The following NCOA3 variants were observed in gnomAD, a reference collection of about 807,000 sequenced individuals.
NCOA3 encodes the protein nuclear receptor coactivator 3.
Under a neutral mutation model 158.8 loss-of-function variants are expected in NCOA3, and 51 were observed. The ratio of observed to expected loss-of-function variants is 0.32; its 90% confidence interval spans 0.26 to 0.41. The LOEUF is 0.41. NCOA3 is among the 10% of genes least tolerant of loss of function. The pLI is 1.00. For synonymous variants in NCOA3, 537 were observed against 592.4 expected (o/e 0.91, Z 1.36); for missense variants, 1,510 against 1,746.6 (o/e 0.86, Z 2.41).
chr20:47,535,387 A>G (rs147729865), intron 1 of NCOA3, among the ~76,000 whole-genome samples: 16 of 152,306 alleles, frequency 1.1e-4, no homozygotes, highest in Middle Eastern at 3.4e-3. Flanking sequence ...GCTTGTGCCA[A>G]TCAGCTGAGT....
At chr20:47,507,946 A>G (rs1003950713) in intron 1 of NCOA3, among the ~76,000 whole-genome samples, 6 of 152,138 alleles carry the variant, frequency 3.9e-5, no homozygotes, top group Admixed American at 1.3e-4. Flanking sequence ...AAATGAATAT[A>G]CATCATTTTA....
In NCOA3 at chr20:47,639,543, A is replaced by G. The variant is rs1232495463; in HGVS notation, c.2708-34A>G. ...GGTATAAGAAGGATTTCATTATAAT[A>G]TGGAAAAGACCTAAGTATGGCTACC... On this transcript the variant is annotated intron_variant, in intron 14 of 22. Transcript: ENST00000371998. 5.6e-6 allele frequency: 9 copies of G among 1,608,374 alleles called. No homozygotes were observed. The East Asian group carries it at 1.3e-4, about 24-fold the overall frequency.
At chr20:47,512,840 G>C (rs996056059) in intron 1 of NCOA3, among the ~76,000 whole-genome samples, 2 of 152,150 alleles carry the variant, frequency 1.3e-5, no homozygotes, top group Non-Finnish European at 2.9e-5. Flanking sequence ...ATCACTTTGA[G>C]AAACAGTGGG....
chr20:47,651,208 A>G lies in NCOA3; in HGVS notation c.3878A>G (p.Asp1293Gly), dbSNP rs1027470818. 6.2e-7 allele frequency: 1 copy of G among 1,613,992 alleles called. No individual in the cohort carries two copies. The highest frequency in any genetic ancestry group is 1.3e-5 in the African/African-American group (1 of 74,914). ...PPNVTASPSM[D>G]GLLAGPTMPQ... ...AATGTGACTGCTTCCCCCAGCATGG[A>G]TGGGCTTTTGGCAGGACCCACAATG... The change falls in exon 20 of 23, where the codon GAT becomes GGT. Residue 1293 changes from aspartate (D) to glycine (G), a missense_variant. Coordinates refer to ENST00000371998, the MANE Select transcript of NCOA3 (RefSeq NM_181659.3).
At chr20:47,543,511 CT>C (rs773919016) in intron 1 of NCOA3, among the ~76,000 whole-genome samples, 159 of 145,056 alleles carry the variant, frequency 1.1e-3, no homozygotes, top group African/African-American at 1.5e-3. Flanking sequence ...TCTTCTTCTT[CT>C]TTTTTTTTTT....
At chr20:47,554,930 A>C (rs932860011) in intron 1 of NCOA3, among the ~76,000 whole-genome samples, 22 of 152,294 alleles carry the variant, frequency 1.4e-4, no homozygotes, top group African/African-American at 5.1e-4. Context: ...ACAAAGCTGG[A>C]GGCATCACGC....
chr20:47,636,694 A>C lies in NCOA3; in HGVS notation c.2308A>C (p.Thr770Pro). The change falls in exon 12 of 23, where the codon ACC becomes CCC. Residue 770 changes from threonine to proline, a missense_variant. This residue lies in a region of NCOA3 where 1,017 missense variants were observed against 1,098.3 expected (regional missense o/e 0.93). Transcript: ENST00000371998. Reference protein sequence around the residue: ...EGVDNKMSQCTSSTIPSSSQE... With the variant: ...EGVDNKMSQCPSSTIPSSSQE... ...AGTGGATAATAAAATGAGTCAGTGCACCAGCTCCACCATTCCTAGCTCAAG... is the reference window on the plus strand; with the variant it reads ...AGTGGATAATAAAATGAGTCAGTGCCCCAGCTCCACCATTCCTAGCTCAAG... The C allele has an allele frequency of 6.2e-7, 1 of 1,614,188 alleles. No individual in the cohort carries two copies. Among genetic ancestry groups the C allele is most frequent in the South Asian group, 1.1e-5 (1 of 91,090 alleles).
chr20:47,643,781 G>T (rs1037498321), intron 17 of NCOA3, among the ~76,000 whole-genome samples: 5 of 151,330 alleles, frequency 3.3e-5, no homozygotes, highest in Non-Finnish European at 7.4e-5. Flanking sequence ...TACATGTCTG[G>T]CTATGTATTA....
chr20:47,519,186 G>A (rs370058845), intron 1 of NCOA3, among the ~76,000 whole-genome samples: 16 of 148,096 alleles, frequency 1.1e-4, no homozygotes, highest in African/African-American at 3.8e-4. Flanking sequence ...TGTAATCTCA[G>A]CACTTTGGGA....
intron 11 of NCOA3, 86 bp from the exon 12 acceptor site, chr20:47,635,805 A>T (rs1246121910): frequency 6.7e-7 from 1 of 1,491,564 alleles, no homozygotes; most frequent in African/African-American, 1.4e-5. Flanking sequence ...AATCTATTTT[A>T]TAATAGAAAC....
At chr20:47,620,532 C>G (rs534766696) in intron 2 of NCOA3, among the ~76,000 whole-genome samples, 17 of 152,152 alleles carry the variant, frequency 1.1e-4, no homozygotes, top group Non-Finnish European at 2.4e-4. Flanking sequence ...TTATCTCCCC[C>G]CCGGGTCAGG....
In NCOA3 at chr20:47,640,831, T is replaced by C. The variant is rs565132767; in HGVS notation, c.3080+780T>C. On this transcript the variant is annotated intron_variant, in intron 16 of 22. Coordinates refer to ENST00000371998, the MANE Select transcript of NCOA3 (RefSeq NM_181659.3). ...TGAACCCGGGTGGCGGAGCTTGCAG[T>C]GAGCTGAGATTATGCCACTGCACCC... Among the ~76,000 whole-genome samples the C allele has an allele frequency of 2.9e-4, 44 of 151,162 alleles. 1 individual carries two copies. The East Asian group carries it at 8.5e-3, about 29-fold the overall frequency.
At chr20:47,561,866 A>G (rs1300968041) in intron 1 of NCOA3, among the ~76,000 whole-genome samples, 3 of 152,180 alleles carry the variant, frequency 2.0e-5, no homozygotes, top group Non-Finnish European at 2.9e-5. Context: ...CCATTAAAAT[A>G]TCATACAGAG....
At chr20:47,589,503 G>C (rs1362079271) in intron 2 of NCOA3, among the ~76,000 whole-genome samples, 1 of 152,014 alleles carries the variant, frequency 6.6e-6, no homozygotes, top group African/African-American at 2.4e-5. Context: ...AGCCTCCTGA[G>C]TAGCTGGGAT....
chr20:47,542,832 C>T (rs1290804541), intron 1 of NCOA3, among the ~76,000 whole-genome samples: 1 of 152,102 alleles, frequency 6.6e-6, no homozygotes, highest in African/African-American at 2.4e-5. Flanking sequence ...CATGGTGGCA[C>T]ATACCTGTTG....
chr20:47,583,511 C>G (rs551579157), intron 2 of NCOA3, among the ~76,000 whole-genome samples: 1 of 152,136 alleles, frequency 6.6e-6, no homozygotes, highest in Non-Finnish European at 1.5e-5. Context: ...GCAGAACTTT[C>G]GACTCCCCCC....
At chr20:47,553,494 C>T (rs549055503) in intron 1 of NCOA3, among the ~76,000 whole-genome samples, 1 of 151,360 alleles carries the variant, frequency 6.6e-6, no homozygotes, top group African/African-American at 2.4e-5. Context: ...GTGTGCTGCA[C>T]CCATTAACTT....
chr20:47,643,459 T>TC (rs2086642271), intron 17 of NCOA3, among the ~76,000 whole-genome samples: 1 of 152,232 alleles, frequency 6.6e-6, no homozygotes, highest in Non-Finnish European at 1.5e-5. Flanking sequence ...TATTTTATAC[T>TC]CCAACAGAAG....
rs550002015 is a variant in NCOA3, at chr20:47,598,017, G to A, written c.-20+14756G>A. Among the ~76,000 whole-genome samples, 9 of 151,304 alleles carry A rather than the reference G, an allele frequency of 5.9e-5. No homozygotes were observed. In the South Asian group the frequency reaches 1.9e-3, roughly 32 times the overall value. On this transcript the variant is annotated intron_variant, in intron 2 of 22. Transcript: ENST00000371998. ...TCCCAGCACTTTAGGAGGCCGAGGT[G>A]GGCGGATCATGAGGTCAGGAGATTG...
Sources: gnomAD v4.1 joint callset for allele counts (sites outside exome capture counted in the v4.1 genomes callset) on GRCh38, gnomAD v4.1.1 for gene constraint, gnomAD v4.1.1 regional missense constraint, MANE v1.5 for transcripts, NCBI Gene and HGNC (gene_info 2026-07-23, HGNC 2026-07-21) for gene names.